Variants in MAGI2 observed in about 807,000 individuals in gnomAD.
MAGI2 encodes membrane-associated guanylate kinase, WW and PDZ domain-containing protein 2.
In MAGI2, 35 loss-of-function variants were observed where a neutral mutation model predicts 133.3. The observed-to-expected ratio is 0.26, with a 90% CI of 0.20 to 0.35. The LOEUF (loss-of-function observed/expected upper bound fraction) is 0.35, where lower values mean the gene tolerates loss of function less well. Ranked by LOEUF, MAGI2 falls within the 10% of genes least tolerant of loss-of-function variation. The pLI, the probability that MAGI2 is intolerant of heterozygous loss-of-function variation, is 1.00. For missense variants in MAGI2, 1,636 were observed against 1,863.4 expected (o/e 0.88, Z 2.25); for synonymous variants, 729 against 710.6 (o/e 1.03, Z -0.41).
intron 20 of MAGI2, among the ~76,000 whole-genome samples, chr7:78,085,550 C>CCACACACACACACA (rs10636313): frequency 9.9e-5 from 12 of 121,040 alleles, no homozygotes; most frequent in Admixed American, 2.7e-4. Context: ...AATAAAACTC[C>CCACACACACACACA]CACACACACA....
intron 2 of MAGI2, among the ~76,000 whole-genome samples, chr7:78,970,562 A>G (rs1803700883): frequency 1.3e-5 from 2 of 151,560 alleles, no homozygotes; most frequent in African/African-American, 4.8e-5. Context: ...TGGAAACTAC[A>G]TTTTTTTTTC....
At chr7:78,305,014 C>A (rs1798137272) in intron 9 of MAGI2, among the ~76,000 whole-genome samples, 1 of 152,164 alleles carries the variant, frequency 6.6e-6, no homozygotes, top group Non-Finnish European at 1.5e-5. Flanking sequence ...GACATCTTTA[C>A]ACCAGAATGT....
intron 16 of MAGI2, among the ~76,000 whole-genome samples, chr7:78,135,562 C>A (rs1584084433): frequency 6.6e-6 from 1 of 152,148 alleles, no homozygotes; most frequent in Non-Finnish European, 1.5e-5. Flanking sequence ...TTCTAAGAAG[C>A]TCCTAGGGAG....
chr7:78,993,423 G>A (rs935007810), intron 2 of MAGI2, among the ~76,000 whole-genome samples: 3 of 151,968 alleles, frequency 2.0e-5, no homozygotes, highest in African/African-American at 2.4e-5. Flanking sequence ...TCCATAAAAA[G>A]AAACATGTTT....
At chr7:79,022,728 A>AATACTTCT (rs1396056633) in intron 1 of MAGI2, among the ~76,000 whole-genome samples, 1 of 152,052 alleles carries the variant, frequency 6.6e-6, no homozygotes, top group Non-Finnish European at 1.5e-5. Flanking sequence ...CCCTTAGAGA[A>AATACTTCT]ATACTTCTAT....
intron 6 of MAGI2, among the ~76,000 whole-genome samples, chr7:78,394,534 C>G (rs1796173948): frequency 6.6e-6 from 1 of 152,158 alleles, no homozygotes; most frequent in Non-Finnish European, 1.5e-5. Flanking sequence ...GCCCACTTCT[C>G]ACCCCCCTCT....
intron 10 of MAGI2, chr7:78,253,706 C>G (rs963171335): frequency 2.0e-5 from 3 of 152,148 alleles, no homozygotes; most frequent in Non-Finnish European, 4.4e-5. Flanking sequence ...CAATTACTTT[C>G]ATTTTATACT....
chr7:79,046,989 A>C (rs1183445662), intron 1 of MAGI2, among the ~76,000 whole-genome samples: 1 of 152,210 alleles, frequency 6.6e-6, no homozygotes, highest in Non-Finnish European at 1.5e-5. Flanking sequence ...TTGTTAAATA[A>C]AACCAAAATT....
intron 2 of MAGI2, among the ~76,000 whole-genome samples, chr7:78,718,297 T>C (rs1374972280): frequency 6.6e-6 from 1 of 152,162 alleles, no homozygotes. Flanking sequence ...TAGGAGCACA[T>C]ACCGTCCATC....
chr7:78,961,467 G>A (rs554335394), intron 2 of MAGI2, among the ~76,000 whole-genome samples: 1 of 152,010 alleles, frequency 6.6e-6, no homozygotes, highest in Non-Finnish European at 1.5e-5. Flanking sequence ...TAAACTAATC[G>A]CTGTAATCAC....
chr7:79,215,596 T>A (rs1219475587), intron 1 of MAGI2, among the ~76,000 whole-genome samples: 1 of 151,914 alleles, frequency 6.6e-6, no homozygotes, highest in African/African-American at 2.4e-5. Flanking sequence ...CAATTCCCAA[T>A]CAGAAAATCT....
chr7:78,529,009 G>C (rs1304009503), intron 3 of MAGI2, among the ~76,000 whole-genome samples: 1 of 151,588 alleles, frequency 6.6e-6, no homozygotes, highest in Non-Finnish European at 1.5e-5. Context: ...ACATGGAATT[G>C]AATTATTCTT....
chr7:79,383,810 A>C (rs187428224), intron 1 of MAGI2, among the ~76,000 whole-genome samples: 1 of 151,640 alleles, frequency 6.6e-6, no homozygotes, highest in Admixed American at 6.6e-5. Flanking sequence ...GAACACAAGG[A>C]TACTTCGCTA....
intron 2 of MAGI2, among the ~76,000 whole-genome samples, chr7:78,921,398 C>A (rs924774453): frequency 6.6e-6 from 1 of 152,076 alleles, no homozygotes; most frequent in Admixed American, 6.6e-5. Flanking sequence ...TCCCTCCCGC[C>A]CCCTAATAGA....
intron 1 of MAGI2, among the ~76,000 whole-genome samples, chr7:79,198,706 G>A (rs1376456743): frequency 2.6e-5 from 4 of 151,920 alleles, no homozygotes; most frequent in Non-Finnish European, 4.4e-5. Context: ...GGCCAACATG[G>A]TGAAACCCTG....
chr7:78,562,565 C>A (rs1272055023), intron 3 of MAGI2, among the ~76,000 whole-genome samples: 1 of 152,158 alleles, frequency 6.6e-6, no homozygotes, highest in Non-Finnish European at 1.5e-5. Flanking sequence ...TTTTAAGTGA[C>A]CCAAACTTAA....
At chr7:78,266,137 T>C (rs1247480813) in intron 9 of MAGI2, among the ~76,000 whole-genome samples, 1 of 152,212 alleles carries the variant, frequency 6.6e-6, no homozygotes, top group Non-Finnish European at 1.5e-5. Flanking sequence ...TTTGTAATTG[T>C]GTGTGTATGT....
At chr7:79,043,634 C>G (rs181276858) in intron 1 of MAGI2, among the ~76,000 whole-genome samples, 1 of 149,138 alleles carries the variant, frequency 6.7e-6, no homozygotes, top group Non-Finnish European at 1.5e-5. Context: ...AGAATAAGAT[C>G]GATAAACTGC....
chr7:78,286,458 G>A (rs553211821), intron 9 of MAGI2, among the ~76,000 whole-genome samples: 19 of 152,206 alleles, frequency 1.2e-4, no homozygotes, highest in African/African-American at 3.1e-4. Flanking sequence ...CAATGAAGGC[G>A]TCATAGAAGA....
Sources: allele counts gnomAD v4.1 joint callset (sites outside exome capture counted in the v4.1 genomes callset), GRCh38; gene constraint gnomAD v4.1.1; transcripts MANE v1.5; gene names NCBI Gene and HGNC (gene_info 2026-07-23, HGNC 2026-07-21).